The following CLVS1 variants were observed in gnomAD, a reference collection of about 807,000 sequenced individuals.
CLVS1 encodes clavesin 1.
In CLVS1, 10 loss-of-function variants were observed where a neutral mutation model predicts 33.1. The ratio of observed to expected loss-of-function variants is 0.30; its 90% confidence interval spans 0.19 to 0.51. CLVS1 has a LOEUF of 0.51. Among genes scored for constraint, CLVS1 ranks in the 20% least tolerant of loss-of-function variants. The pLI is 0.97. For synonymous variants in CLVS1, 163 were observed against 166.1 expected, an observed-to-expected ratio of 0.98 and a Z score of 0.14; for missense variants, 343 against 433.4, an observed-to-expected ratio of 0.79 and a Z score of 1.85.
At chr8:61,156,137 C>T (rs1394439935) in intron 2 of CLVS1, among the ~76,000 whole-genome samples, 1 of 150,182 alleles carries the variant, frequency 6.7e-6, no homozygotes, top group Admixed American at 6.7e-5. Flanking sequence ...TCGCTTGAAC[C>T]CGGAAGGTGG....
At chr8:61,287,560 C>T (rs1809814377), upstream of CLVS1, among the ~76,000 whole-genome samples, 1 of 151,818 alleles carries the variant, frequency 6.6e-6, no homozygotes, top group Admixed American at 6.6e-5. Context: ...TATTTCTGTT[C>T]TTCTAGTTAT....
intron 3 of CLVS1, among the ~76,000 whole-genome samples, chr8:61,439,618 G>C (rs1300350523): frequency 6.6e-6 from 1 of 152,174 alleles, no homozygotes; most frequent in Non-Finnish European, 1.5e-5. Flanking sequence ...AAGCAATTGA[G>C]ATTATCTTAG....
intron 2 of CLVS1, among the ~76,000 whole-genome samples, chr8:61,172,890 GA>G (rs1807034597): frequency 6.6e-6 from 1 of 152,114 alleles, no homozygotes; most frequent in Non-Finnish European, 1.5e-5. Flanking sequence ...ATTTTTCCAT[GA>G]GGCATTTCTT....
intron 2 of CLVS1, among the ~76,000 whole-genome samples, chr8:61,214,945 C>T (rs902108608): frequency 6.6e-6 from 1 of 152,140 alleles, no homozygotes; most frequent in African/African-American, 2.4e-5. Flanking sequence ...CTTGTGTGTG[C>T]TGGCAAAATT....
intron 2 of CLVS1, among the ~76,000 whole-genome samples, chr8:61,365,629 T>G (rs1400819290): frequency 1.3e-5 from 2 of 152,190 alleles, no homozygotes; most frequent in East Asian, 3.8e-4. Flanking sequence ...TTTTGCTGTT[T>G]GTGGCTCTGA....
At chr8:61,264,100 A>G (rs945001277) in intron 2 of CLVS1, among the ~76,000 whole-genome samples, 3 of 152,184 alleles carry the variant, frequency 2.0e-5, no homozygotes, top group African/African-American at 7.2e-5. Flanking sequence ...AGATACCCTC[A>G]TGCCAAAATG....
chr8:61,247,883 C>T (rs1808851818), intron 2 of CLVS1, among the ~76,000 whole-genome samples: 2 of 152,048 alleles, frequency 1.3e-5, no homozygotes, highest in Admixed American at 1.3e-4. Flanking sequence ...GATGGGAGTG[C>T]CTAGGTTGCC....
chr8:60,973,729 G>A, the CLVS1 span, among the ~76,000 whole-genome samples: 2 of 152,282 alleles, frequency 1.3e-5, no homozygotes, highest in South Asian at 2.1e-4. Context: ...GCCCCCGGAA[G>A]GACATATACC....
intron 2 of CLVS1, among the ~76,000 whole-genome samples, chr8:61,267,842 G>A (rs535652252): frequency 6.6e-6 from 1 of 152,122 alleles, no homozygotes; most frequent in East Asian, 1.9e-4. Flanking sequence ...TAACTATATT[G>A]TCATTTTGAG....
At chr8:61,219,561 G>T (rs537915996) in intron 2 of CLVS1, among the ~76,000 whole-genome samples, 11 of 152,254 alleles carry the variant, frequency 7.2e-5, no homozygotes, top group African/African-American at 1.4e-4. Context: ...ATGGGCATTT[G>T]GTTTGTTTCC....
At chr8:61,292,555 G>T (rs1350887789) in intron 1 of CLVS1, 10 of 333,606 alleles carry the variant, frequency 3.0e-5, no homozygotes, top group Admixed American at 2.9e-4. Flanking sequence ...AAGGGTCAAG[G>T]TTTTTGTTTG....
the CLVS1 span, among the ~76,000 whole-genome samples, chr8:61,003,596 C>CT: frequency 6.6e-6 from 1 of 152,170 alleles, no homozygotes; most frequent in African/African-American, 2.4e-5. Context: ...CTACCAGTGC[C>CT]TTATGGTAGA....
intron 2 of CLVS1, among the ~76,000 whole-genome samples, chr8:61,360,396 T>G (rs948621225): frequency 1.3e-5 from 2 of 152,190 alleles, no homozygotes; most frequent in African/African-American, 4.8e-5. Flanking sequence ...GATAAAAATC[T>G]GGTTGAACAA....
intron 2 of CLVS1, among the ~76,000 whole-genome samples, chr8:61,157,962 A>G (rs1010441097): frequency 6.6e-6 from 1 of 152,206 alleles, no homozygotes; most frequent in African/African-American, 2.4e-5. Context: ...TTAAACATAC[A>G]TCCAGCCTAT....
chr8:61,232,041 T>TTTTGTTTTG (rs1808454261), intron 2 of CLVS1, among the ~76,000 whole-genome samples: 5 of 116,016 alleles, frequency 4.3e-5, no homozygotes, highest in African/African-American at 1.9e-4. Context: ...TTTTTTTTTT[T>TTTTGTTTTG]TTTTTTTTTG....
At chr8:61,407,223 T>C (rs1343377424) in intron 3 of CLVS1, among the ~76,000 whole-genome samples, 3 of 152,212 alleles carry the variant, frequency 2.0e-5, no homozygotes, top group Non-Finnish European at 4.4e-5. Flanking sequence ...GGCTAGAACA[T>C]ACCTAAACAC....
intron 2 of CLVS1, among the ~76,000 whole-genome samples, chr8:61,182,180 T>G (rs185949970): frequency 2.2e-4 from 33 of 152,124 alleles, no homozygotes; most frequent in African/African-American, 7.2e-4. Flanking sequence ...AAAAATTAAC[T>G]CAAGATGGAT....
chr8:61,477,123 A>C (rs1817972717), intron 5 of CLVS1, among the ~76,000 whole-genome samples: 1 of 152,230 alleles, frequency 6.6e-6, no homozygotes, highest in South Asian at 2.1e-4. Flanking sequence ...ATGTTGAACC[A>C]GCCTTGCATC....
At chr8:61,100,022 A>T (rs1805421026) in intron 1 of CLVS1, among the ~76,000 whole-genome samples, 1 of 152,144 alleles carries the variant, frequency 6.6e-6, no homozygotes, top group Admixed American at 6.5e-5. Context: ...CATGGGAAAC[A>T]CCATCTTCCA....
Sources: allele counts gnomAD v4.1 joint callset (sites outside exome capture counted in the v4.1 genomes callset), GRCh38; gene constraint gnomAD v4.1.1; transcripts MANE v1.5; gene names NCBI Gene and HGNC (gene_info 2026-07-23, HGNC 2026-07-21).